The following RPS6KA5 variants were observed in gnomAD, a reference collection of about 807,000 sequenced individuals.
RPS6KA5 encodes the protein ribosomal protein S6 kinase alpha-5.
A neutral mutation model predicts 85.5 loss-of-function variants in RPS6KA5; 27 were observed. The ratio of observed to expected loss-of-function variants is 0.32; its 90% CI spans 0.23 to 0.44. The LOEUF (loss-of-function observed/expected upper bound fraction) is 0.44, where lower values mean the gene tolerates loss of function less well. RPS6KA5 is among the 20% of genes least tolerant of loss of function. RPS6KA5 has a pLI of 1.00. For missense variants in RPS6KA5, 811 were observed against 980.9 expected (o/e 0.83, Z 2.31); for synonymous variants, 334 against 348.2 (o/e 0.96, Z 0.46).
At chr14:91,002,965 T>C (rs886258930) in intron 1 of RPS6KA5, among the ~76,000 whole-genome samples, 2 of 152,122 alleles carry the variant, frequency 1.3e-5, no homozygotes, top group African/African-American at 2.4e-5. Context: ...ATCAAAAACA[T>C]AGGTAGTATT....
intron 5 of RPS6KA5, among the ~76,000 whole-genome samples, chr14:90,933,352 T>C (rs117820376): frequency 2.0e-5 from 3 of 152,124 alleles, no homozygotes; most frequent in Middle Eastern, 3.2e-3. Flanking sequence ...TAACCCCAGA[T>C]AGCTCCCCAT....
intron 2 of RPS6KA5, among the ~76,000 whole-genome samples, chr14:90,982,248 GA>G (rs993843232): frequency 1.3e-5 from 2 of 149,098 alleles, no homozygotes; most frequent in Admixed American, 1.3e-4. Flanking sequence ...GTAATTTTAA[GA>G]AACTGCAAAG....
intron 1 of RPS6KA5, among the ~76,000 whole-genome samples, chr14:91,029,780 G>T (rs536856360): frequency 3.3e-5 from 5 of 152,112 alleles, no homozygotes; most frequent in Non-Finnish European, 7.3e-5. Context: ...ACACCACTTA[G>T]AATGGTGCCA....
chr14:90,928,257 T>C (rs1160028544), intron 5 of RPS6KA5, among the ~76,000 whole-genome samples: 3 of 152,038 alleles, frequency 2.0e-5, no homozygotes, highest in South Asian at 2.1e-4. Flanking sequence ...AAAAATACTA[T>C]ATATAAGAAC....
At chr14:91,057,983 A>G (rs1595577698) in intron 1 of RPS6KA5, among the ~76,000 whole-genome samples, 1 of 152,186 alleles carries the variant, frequency 6.6e-6, no homozygotes, top group Non-Finnish European at 1.5e-5. Context: ...CATTCATCCT[A>G]TGGAATACAA....
At chr14:91,046,989 G>A (rs2042899580) in intron 1 of RPS6KA5, among the ~76,000 whole-genome samples, 1 of 150,392 alleles carries the variant, frequency 6.6e-6, no homozygotes, top group African/African-American at 2.5e-5. Flanking sequence ...TGAGGCTGTA[G>A]TGAGCTGTGA....
intron 2 of RPS6KA5, among the ~76,000 whole-genome samples, chr14:90,984,829 C>T (rs2039988962): frequency 6.6e-6 from 1 of 152,206 alleles, no homozygotes; most frequent in Admixed American, 6.5e-5. Flanking sequence ...AACCACTGCA[C>T]AATTCCAACT....
At chr14:90,883,387 C>T (rs373305271) in intron 14 of RPS6KA5, among the ~76,000 whole-genome samples, 3 of 152,244 alleles carry the variant, frequency 2.0e-5, no homozygotes, top group East Asian at 3.9e-4. Flanking sequence ...TCACTGATTC[C>T]TTCTTCTGCC....
intron 12 of RPS6KA5, among the ~76,000 whole-genome samples, chr14:90,897,123 G>A (rs1152424): frequency 0.038 from 5,733 of 152,232 alleles, 363 homozygotes; most frequent in African/African-American, 0.13. Flanking sequence ...AAGGAGTGCT[G>A]CAACTTTGAT....
chr14:90,901,516 G>A (rs1247215855), intron 9 of RPS6KA5, among the ~76,000 whole-genome samples: 1 of 152,148 alleles, frequency 6.6e-6, no homozygotes, highest in East Asian at 1.9e-4. Context: ...GTTTTGGAAA[G>A]GAACAAAGTC....
intron 6 of RPS6KA5, among the ~76,000 whole-genome samples, chr14:90,921,150 C>A (rs2036382497): frequency 6.6e-6 from 1 of 152,106 alleles, no homozygotes; most frequent in Non-Finnish European, 1.5e-5. Flanking sequence ...GTTAAAATTT[C>A]AAACTATTTG....
intron 2 of RPS6KA5, among the ~76,000 whole-genome samples, chr14:90,979,306 G>C (rs1291233935): frequency 6.6e-6 from 1 of 152,206 alleles, no homozygotes; most frequent in Admixed American, 6.5e-5. Flanking sequence ...GGAAGGAAGA[G>C]GGAGGAAGAA....
chr14:91,035,294 C>A (rs553669006), intron 1 of RPS6KA5, among the ~76,000 whole-genome samples: 4 of 152,038 alleles, frequency 2.6e-5, no homozygotes, highest in East Asian at 3.9e-4. Context: ...TTACAACCTT[C>A]AAATTACCTG....
At chr14:90,926,664 A>AGTGTGTGTGTGTGTGTGT (rs59637202) in intron 5 of RPS6KA5, among the ~76,000 whole-genome samples, 8 of 143,314 alleles carry the variant, frequency 5.6e-5, no homozygotes, top group African/African-American at 1.8e-4. Flanking sequence ...TATATATTTA[A>AGTGTGTGTGTGTGTGTGT]GTGTGTGTGT....
At chr14:90,916,037 C>T (rs2036102698) in intron 7 of RPS6KA5, among the ~76,000 whole-genome samples, 1 of 151,908 alleles carries the variant, frequency 6.6e-6, no homozygotes, top group South Asian at 2.1e-4. Context: ...AAAGATTTAT[C>T]CTAGATAAAA....
intron 13 of RPS6KA5, 127 bp from the exon 14 acceptor site, chr14:90,890,805 G>A (rs998230662): frequency 1.2e-5 from 9 of 737,814 alleles, no homozygotes; most frequent in African/African-American, 3.5e-5. Context: ...GGGGAGGCGC[G>A]AGGGCAGGAC....
At chr14:90,900,951 C>A (rs1566714713) in intron 9 of RPS6KA5, among the ~76,000 whole-genome samples, 1 of 152,106 alleles carries the variant, frequency 6.6e-6, no homozygotes. Flanking sequence ...TCTGGTAGAA[C>A]TAAACCAATT....
intron 3 of RPS6KA5, among the ~76,000 whole-genome samples, chr14:90,978,067 G>C (rs932025360): frequency 6.6e-6 from 1 of 151,736 alleles, no homozygotes; most frequent in African/African-American, 2.4e-5. Flanking sequence ...AAAAAGAAAA[G>C]AAAAAAAGAC....
intron 2 of RPS6KA5, among the ~76,000 whole-genome samples, chr14:90,990,591 T>G (rs1330187749): frequency 6.6e-6 from 1 of 152,308 alleles, no homozygotes; most frequent in East Asian, 1.9e-4. Flanking sequence ...GTTCATTGCA[T>G]GTTCACTGCA....
Sources: allele counts gnomAD v4.1 joint callset (sites outside exome capture counted in the v4.1 genomes callset), GRCh38; gene constraint gnomAD v4.1.1; transcripts MANE v1.5; gene names NCBI Gene and HGNC (gene_info 2026-07-23, HGNC 2026-07-21).